SECISBP2L: variants seen among roughly 807,000 people sequenced by gnomAD.
The protein encoded by SECISBP2L is selenocysteine insertion sequence-binding protein 2-like.
In SECISBP2L, 43 loss-of-function variants were observed where a neutral mutation model predicts 114.7. The observed-to-expected ratio is 0.38, with a 90% CI of 0.29 to 0.48. The LOEUF (loss-of-function observed/expected upper bound fraction) is 0.48, where lower values mean the gene tolerates loss of function less well. SECISBP2L is among the 20% of genes least tolerant of loss of function. The pLI, the probability that SECISBP2L is intolerant of heterozygous loss-of-function variation, is 0.98. For synonymous variants in SECISBP2L, 451 were observed against 439.7 expected (o/e 1.03, Z -0.32); for missense variants, 1,136 against 1,301.1 (o/e 0.87, Z 1.95).
At chr15:49,003,646 G>A (rs188262208) in intron 14 of SECISBP2L, among the ~76,000 whole-genome samples, 47 of 152,280 alleles carry the variant, frequency 3.1e-4, no homozygotes, top group African/African-American at 9.9e-4. Context: ...TTTTTAGCAC[G>A]AAGGGCTGTT....
chr15:49,025,935 T>C (rs181336929), intron 7 of SECISBP2L, among the ~76,000 whole-genome samples: 2 of 152,330 alleles, frequency 1.3e-5, no homozygotes, highest in East Asian at 1.9e-4. Flanking sequence ...CTCTTCTTTA[T>C]TGCAGCATTA....
At chr15:49,019,992 G>C (rs1397681606) in intron 7 of SECISBP2L, among the ~76,000 whole-genome samples, 1 of 152,130 alleles carries the variant, frequency 6.6e-6, no homozygotes, top group African/African-American at 2.4e-5. Context: ...CTGTATGAAG[G>C]CATACAAAAT....
intron 14 of SECISBP2L, among the ~76,000 whole-genome samples, chr15:49,003,921 C>T (rs546960524): frequency 4.6e-5 from 7 of 152,220 alleles, no homozygotes; most frequent in African/African-American, 1.7e-4. Context: ...GTGTCTCTGC[C>T]AGGTTTTGGT....
chr15:49,021,539 G>A (rs186142984), intron 7 of SECISBP2L, among the ~76,000 whole-genome samples: 66 of 152,232 alleles, frequency 4.3e-4, no homozygotes, highest in Non-Finnish European at 7.2e-4. Context: ...TAACAACTGC[G>A]AATTGGAAGC....
intron 7 of SECISBP2L, among the ~76,000 whole-genome samples, chr15:49,026,307 G>A (rs1902741695): frequency 1.3e-5 from 2 of 152,104 alleles, no homozygotes; most frequent in Admixed American, 6.5e-5. Context: ...GTGTTCTATA[G>A]CCCTGGTAGA....
intron 6 of SECISBP2L, among the ~76,000 whole-genome samples, 180 bp from the exon 7 acceptor site, chr15:49,027,660 G>A (rs1036132527): frequency 1.3e-5 from 2 of 149,826 alleles, no homozygotes; most frequent in Non-Finnish European, 3.0e-5. Flanking sequence ...CCAGGCTGGA[G>A]TGCAGTGGCG....
At chr15:49,012,364 G>T (rs528374613) in intron 12 of SECISBP2L, among the ~76,000 whole-genome samples, 1 of 152,108 alleles carries the variant, frequency 6.6e-6, no homozygotes, top group South Asian at 2.1e-4. Flanking sequence ...TGAAATCCAG[G>T]GCTTCTGATT....
intron 2 of SECISBP2L, 36 bp downstream of exon 2, chr15:49,037,554 AC>A (rs2141086203): frequency 1.3e-6 from 2 of 1,583,966 alleles, no homozygotes; most frequent in East Asian, 2.3e-5. Context: ...TTTTATAGCC[AC>A]CCCCACAAAA....
chr15:49,037,897 A>T, intron 1 of SECISBP2L, 128 bp from the exon 2 acceptor site: 1 of 597,886 alleles, frequency 1.7e-6, no homozygotes, highest in Non-Finnish European at 2.6e-6. Context: ...TTCATAAAAC[A>T]TCCAAAAGGA....
chr15:49,016,469 T>C (rs931137197), intron 11 of SECISBP2L, 91 bp downstream of exon 11: 2 of 1,142,466 alleles, frequency 1.8e-6, no homozygotes, highest in African/African-American at 1.6e-5. Context: ...TATATACACA[T>C]ACATATATAA....
At chr15:49,001,456 A>C (rs1355544920) in intron 14 of SECISBP2L, among the ~76,000 whole-genome samples, 1 of 119,910 alleles carries the variant, frequency 8.3e-6, no homozygotes, top group Non-Finnish European at 1.7e-5. Flanking sequence ...TCCACATCGT[A>C]TTCTTTTTTT....
chr15:49,029,321 T>G (rs1646007853), intron 4 of SECISBP2L, among the ~76,000 whole-genome samples: 1 of 152,216 alleles, frequency 6.6e-6, no homozygotes, highest in Non-Finnish European at 1.5e-5. Flanking sequence ...TACAATCTAT[T>G]CTGAATTCTG....
chr15:49,017,551 T>C lies in SECISBP2L; in HGVS notation c.1248A>G (p.Lys416=). 1 of 1,590,480 alleles carries C rather than the reference T, an allele frequency of 6.3e-7. No individual in the cohort carries two copies. Among genetic ancestry groups the C allele is most frequent in the Middle Eastern group, 1.7e-4 (1 of 5,946 alleles). ...DENIQQKLSS[K]VLDDLPENSP... ...TTCTTTTTAAAGAGTTACTTACTAC[T>C]TTAGAAGAAAGTTTTTGTTGAATAT... Residue 416 remains lysine (K), a synonymous_variant, in exon 9 of 18, where the codon AAA becomes AAG. Coordinates refer to ENST00000559471, the MANE Select transcript of SECISBP2L (RefSeq NM_001193489.2).
intron 7 of SECISBP2L, among the ~76,000 whole-genome samples, chr15:49,023,415 A>G (rs1208295361): frequency 1.3e-5 from 2 of 152,214 alleles, no homozygotes; most frequent in Non-Finnish European, 2.9e-5. Context: ...AATCCTGAAA[A>G]CGCACTATAT....
In SECISBP2L at chr15:49,046,292, C is replaced by G. The variant is rs867134808; in HGVS notation, c.8G>C (p.Arg3Pro). 3.2e-6 allele frequency: 5 copies of G among 1,557,956 alleles called. No individual in the cohort carries two copies. Among genetic ancestry groups the G allele is most frequent in the East Asian group, 4.9e-5 (2 of 40,654 alleles). MD[R>P]APTEQNVKLS... ...CCCGCGTACCTGCTCCGTGGGGGCTCGGTCCATGGTGCCTGCAGCCGCAAC... is the reference window on the plus strand; with the variant it reads ...CCCGCGTACCTGCTCCGTGGGGGCTGGGTCCATGGTGCCTGCAGCCGCAAC... Residue 3 changes from arginine (R) to proline (P), a missense_variant, in exon 1 of 18, where the codon CGA becomes CCA. Physicochemically the swap from Arg to Pro is moderately radical, Grantham distance 103 (BLOSUM62 -2). Transcript: ENST00000559471.
intron 2 of SECISBP2L, 66 bp downstream of exon 2, chr15:49,037,525 T>A: frequency 7.1e-7 from 1 of 1,403,702 alleles, no homozygotes; most frequent in Non-Finnish European, 9.8e-7. Context: ...AGGAAAAATA[T>A]TAAGTGCACT....
intron 16 of SECISBP2L, among the ~76,000 whole-genome samples, chr15:48,997,818 G>A (rs1362293650): frequency 1.3e-5 from 2 of 152,124 alleles, no homozygotes; most frequent in African/African-American, 2.4e-5. Context: ...GTGGTGAGCC[G>A]AGATCATGCC....
intron 7 of SECISBP2L, among the ~76,000 whole-genome samples, chr15:49,027,034 G>T (rs375234195): frequency 4.1e-4 from 63 of 152,260 alleles, no homozygotes; most frequent in African/African-American, 1.5e-3. Flanking sequence ...TAAGATCAAA[G>T]AATCAATATT....
At chr15:49,033,637 G>C (rs1018306738) in intron 3 of SECISBP2L, among the ~76,000 whole-genome samples, 4 of 152,098 alleles carry the variant, frequency 2.6e-5, no homozygotes, top group African/African-American at 9.6e-5. Flanking sequence ...AGGAGTTTGG[G>C]ACCAGCCTGG....
Sources: allele counts gnomAD v4.1 joint callset (sites outside exome capture counted in the v4.1 genomes callset), GRCh38; gene constraint gnomAD v4.1.1; transcripts MANE v1.5; gene names NCBI Gene and HGNC (gene_info 2026-07-23, HGNC 2026-07-21).